Variants in ESR1 observed in about 807,000 individuals in gnomAD.
The protein encoded by ESR1 is estrogen receptor 1, also known as estrogen receptor.
A neutral mutation model predicts 52.7 loss-of-function variants in ESR1; 12 were observed. The observed-to-expected ratio is 0.23, with a 90% confidence interval of 0.15 to 0.37. The LOEUF (loss-of-function observed/expected upper bound fraction) is 0.37. ESR1 is among the 10% of genes least tolerant of loss of function. The pLI, the probability that ESR1 is intolerant of heterozygous loss-of-function variation, is 1.00. For synonymous variants in ESR1, 305 were observed against 316.8 expected (o/e 0.96, Z 0.39); for missense variants, 584 against 779.7 (o/e 0.75, Z 2.99).
intron 1 of ESR1, among the ~76,000 whole-genome samples, chr6:151,824,872 G>A (rs1216263968): frequency 6.6e-6 from 1 of 151,416 alleles, no homozygotes; most frequent in Non-Finnish European, 1.5e-5. Context: ...AGTGAGCCAA[G>A]CTTGCACCAC....
chr6:151,877,319 A>G (rs921590672), intron 2 of ESR1, among the ~76,000 whole-genome samples: 1 of 152,216 alleles, frequency 6.6e-6, no homozygotes, highest in Non-Finnish European at 1.5e-5. Context: ...TAAGGAAAAA[A>G]AACTACTTTG....
At chr6:151,661,744 C>T (rs77315705) in intron 1 of ESR1, among the ~76,000 whole-genome samples, 8,267 of 152,136 alleles carry the variant, frequency 0.054, 722 homozygotes, top group East Asian at 0.41. Context: ...TGCAGTTTCT[C>T]CCATGCTGTT....
intron 6 of ESR1, among the ~76,000 whole-genome samples, chr6:152,108,306 G>A (rs1385487323): frequency 6.6e-6 from 1 of 152,212 alleles, no homozygotes; most frequent in East Asian, 1.9e-4. Flanking sequence ...TTGTTCTGTT[G>A]CTGACCAAAC....
At chr6:151,824,727 C>G (rs573200297) in intron 1 of ESR1, among the ~76,000 whole-genome samples, 195 of 152,202 alleles carry the variant, frequency 1.3e-3, no homozygotes, top group Non-Finnish European at 2.3e-3. Flanking sequence ...CCAAGGCCTC[C>G]TGGCTAACAT....
intron 3 of ESR1, among the ~76,000 whole-genome samples, chr6:151,943,020 A>G (rs1404616085): frequency 1.3e-5 from 2 of 152,184 alleles, no homozygotes; most frequent in African/African-American, 4.8e-5. Context: ...GAATCACTGC[A>G]AAAAGATTGG....
chr6:152,011,778 A>G lies in ESR1; in HGVS notation c.1219A>G (p.Asn407Asp). The change falls in exon 5 of 8, where the codon AAC becomes GAC. Residue 407 changes from asparagine (N) to aspartate (D), a missense_variant. Around this residue, in one of 6 missense-constraint regions of ESR1, gnomAD observed 141 missense variants for 289.3 expected, o/e 0.49. Coordinates refer to ENST00000206249, the MANE Select transcript of ESR1 (RefSeq NM_000125.4). Reference protein sequence around the residue: ...EHPGKLLFAPNLLLDRNQGKC... With the variant: ...EHPGKLLFAPDLLLDRNQGKC... ...CCCAGGGAAGCTACTGTTTGCTCCT[A>G]ACTTGCTCTTGGACAGGTAAGTGAC... The G allele has an allele frequency of 6.2e-7, 1 of 1,612,970 alleles. No homozygotes were observed. Among genetic ancestry groups the G allele is most frequent in the Non-Finnish European group, 8.5e-7 (1 of 1,179,426 alleles).
At chr6:151,739,308 C>T (rs1782906055) in intron 2 of ESR1, among the ~76,000 whole-genome samples, 1 of 152,154 alleles carries the variant, frequency 6.6e-6, no homozygotes, top group Non-Finnish European at 1.5e-5. Flanking sequence ...GCTAAATAAA[C>T]ATGGTGTTTC....
chr6:151,684,497 G>A (rs1428281093), intron 1 of ESR1, among the ~76,000 whole-genome samples: 3 of 152,156 alleles, frequency 2.0e-5, no homozygotes, highest in Admixed American at 6.5e-5. Flanking sequence ...AGACCAATTA[G>A]GACACCATTG....
At chr6:151,726,789 A>C (rs372539383) in intron 2 of ESR1, among the ~76,000 whole-genome samples, 3 of 152,326 alleles carry the variant, frequency 2.0e-5, no homozygotes, top group East Asian at 3.9e-4. Flanking sequence ...TTCCAAATAT[A>C]CAACATGCCA....
At chr6:152,023,577 C>T (rs565760308) in intron 5 of ESR1, among the ~76,000 whole-genome samples, 1 of 152,278 alleles carries the variant, frequency 6.6e-6, no homozygotes, top group South Asian at 2.1e-4. Flanking sequence ...TCTGTGATAT[C>T]ATCTAAAAAA....
At chr6:152,123,899 AAGACAGACTACCCTAATATCGGTG>A (rs2052364968) in intron 6 of ESR1, among the ~76,000 whole-genome samples, 1 of 152,248 alleles carries the variant, frequency 6.6e-6, no homozygotes, top group African/African-American at 2.4e-5. Flanking sequence ...TTAATTTCTG[AAGACAGACTACCCTAATATCGGTG>A]GGGGATGCGG....
At chr6:151,951,386 A>T (rs534013832) in intron 4 of ESR1, among the ~76,000 whole-genome samples, 96 of 152,316 alleles carry the variant, frequency 6.3e-4, no homozygotes, top group African/African-American at 2.2e-3. Flanking sequence ...GAAAGATATG[A>T]CCCATTGGCC....
chr6:151,993,005 G>A (rs2041163777), intron 4 of ESR1, among the ~76,000 whole-genome samples: 1 of 152,026 alleles, frequency 6.6e-6, no homozygotes, highest in African/African-American at 2.4e-5. Context: ...AGTTGATGGG[G>A]GAGATGGGGG....
At chr6:151,842,909 T>C (rs1784525621) in intron 2 of ESR1, 122 bp downstream of exon 2, 2 of 772,168 alleles carry the variant, frequency 2.6e-6, no homozygotes, top group Non-Finnish European at 4.4e-6. Context: ...CCCTAGTAGG[T>C]CCACTAGTAT....
chr6:151,973,089 T>C (rs1353368165), intron 4 of ESR1, among the ~76,000 whole-genome samples: 1 of 152,104 alleles, frequency 6.6e-6, no homozygotes, highest in South Asian at 2.1e-4. Context: ...CAAATGTTAA[T>C]CTCCTTTGGC....
At chr6:152,079,928 G>A (rs945244304) in intron 6 of ESR1, among the ~76,000 whole-genome samples, 2 of 152,148 alleles carry the variant, frequency 1.3e-5, no homozygotes, top group Non-Finnish European at 2.9e-5. Flanking sequence ...AAAGTGAGAA[G>A]ACAAGATGAG....
intron 1 of ESR1, among the ~76,000 whole-genome samples, chr6:151,692,614 G>A (rs565665454): frequency 6.6e-6 from 1 of 152,236 alleles, no homozygotes; most frequent in South Asian, 2.1e-4. Context: ...GTTAATCTCC[G>A]AGAAAGAGGC....
chr6:151,983,729 C>T (rs919498538), intron 4 of ESR1, among the ~76,000 whole-genome samples: 1 of 152,110 alleles, frequency 6.6e-6, no homozygotes, highest in Non-Finnish European at 1.5e-5. Flanking sequence ...CAGCTGTCAA[C>T]CAGGGTTCTG....
intron 3 of ESR1, among the ~76,000 whole-genome samples, chr6:151,887,022 C>T (rs1415953422): frequency 9.1e-5 from 13 of 142,540 alleles, no homozygotes; most frequent in Admixed American, 6.5e-4. Flanking sequence ...GCCTGGGTGA[C>T]GGAATGAGAC....
Sources: gnomAD v4.1 joint callset for allele counts (sites outside exome capture counted in the v4.1 genomes callset) on GRCh38, gnomAD v4.1.1 for gene constraint, gnomAD v4.1.1 regional missense constraint, MANE v1.5 for transcripts, NCBI Gene and HGNC (gene_info 2026-07-23, HGNC 2026-07-21) for gene names.